XXYLT1: variants seen among roughly 807,000 people sequenced by gnomAD.
XXYLT1 encodes the protein UDP-xylose:alpha-xyloside alpha-1,3-xylosyltransferase.
Under a neutral mutation model 28.9 loss-of-function variants are expected in XXYLT1, and 20 were observed. The ratio of observed to expected loss-of-function variants is 0.69; its 90% CI spans 0.49 to 1.00. The LOEUF is 1.00. Ranked by LOEUF, XXYLT1 falls within the 50% of genes least tolerant of loss-of-function variation. The pLI is 0.00. For missense variants in XXYLT1, 542 were observed against 560.1 expected (o/e 0.97, Z 0.33); for synonymous variants, 257 against 253.8 (o/e 1.01, Z -0.12).
intron 2 of XXYLT1, among the ~76,000 whole-genome samples, chr3:195,200,019 T>C (rs954812939): frequency 3.3e-5 from 5 of 152,266 alleles, no homozygotes; most frequent in Non-Finnish European, 5.9e-5. Flanking sequence ...TCCAGCATGA[T>C]GGTGTACACT....
intron 3 of XXYLT1, among the ~76,000 whole-genome samples, chr3:195,142,193 G>T (rs535651483): frequency 4.7e-4 from 72 of 152,166 alleles, no homozygotes; most frequent in Non-Finnish European, 8.7e-4. Flanking sequence ...CCGAGGCCTG[G>T]GACAGCCCTG....
chr3:195,082,050 C>T (rs749877545), intron 3 of XXYLT1, among the ~76,000 whole-genome samples: 8 of 152,170 alleles, frequency 5.3e-5, no homozygotes, highest in Admixed American at 2.6e-4. Context: ...ATTCCAAGTG[C>T]GTGATTACAA....
rs919141264 is a variant in XXYLT1, at chr3:195,173,955, C to T, written c.653-17374G>A. Among the ~76,000 whole-genome samples, 6 of 152,202 alleles carry T rather than the reference C, an allele frequency of 3.9e-5. No homozygotes were observed. The highest frequency in any genetic ancestry group is 3.3e-4 in the Admixed American group (5 of 15,286). ...TGGTGAGAACAGCCGCTGGCTCCCT[C>T]GGGTTGCAGGAGCAGAGTGACATAC... On this transcript the variant is annotated intron_variant, in intron 2 of 3. Coordinates refer to ENST00000310380, the MANE Select transcript of XXYLT1 (RefSeq NM_152531.5). The surrounding 1 kb of genome is among the most constrained non-coding windows in gnomAD (Gnocchi z 4.3).
intron 2 of XXYLT1, 127 bp downstream of exon 2, chr3:195,226,582 C>G (rs1724061322): frequency 7.8e-7 from 1 of 1,276,440 alleles, no homozygotes; most frequent in Non-Finnish European, 1.1e-6. Context: ...GTCTGGCTCC[C>G]TCGTCCACTC....
In XXYLT1 at chr3:195,240,381, T is replaced by A. The variant is rs2108822475; in HGVS notation, c.505-13525A>T. On this transcript the variant is annotated intron_variant, in intron 1 of 3. Transcript: ENST00000310380. This position sits in a 1 kb window ranked among gnomAD's most constrained non-coding sequence, Gnocchi z 4.7. ...AGCCCTGTGCTCGCTGGCACTGAGA[T>A]GCCTGAGAGCCAGGCCACCGCTCCT... Among the ~76,000 whole-genome samples the A allele has an allele frequency of 6.6e-6, 1 of 152,352 alleles. No individual in the cohort carries two copies. Among genetic ancestry groups the A allele is most frequent in the Non-Finnish European group, 1.5e-5 (1 of 68,028 alleles).
chr3:195,214,658 G>A (rs1723480679), intron 2 of XXYLT1: 1 of 152,128 alleles, frequency 6.6e-6, no homozygotes, highest in South Asian at 2.1e-4. Flanking sequence ...GCAGAGAACA[G>A]GCTGCCCTGG....
chr3:195,110,476 T>TGTGTGTATGTG (rs1717572197), intron 3 of XXYLT1, among the ~76,000 whole-genome samples: 1 of 23,962 alleles, frequency 4.2e-5, no homozygotes, highest in Non-Finnish European at 1.0e-4. Context: ...GGGTGAGGTG[T>TGTGTGTATGTG]GTGTGTATGT....
At chr3:195,070,196 G>A in intron 3 of XXYLT1, 85 bp from the exon 4 acceptor site, 2 of 1,471,272 alleles carry the variant, frequency 1.4e-6, no homozygotes, top group South Asian at 2.7e-5. Context: ...CAGCCAGCCT[G>A]CATGCAAACA....
At chr3:195,231,342 T>G (rs1724290848) in intron 1 of XXYLT1, among the ~76,000 whole-genome samples, 1 of 152,160 alleles carries the variant, frequency 6.6e-6, no homozygotes, top group Admixed American at 6.5e-5. Flanking sequence ...ACAAGTGTAA[T>G]TTGACTTCTT....
In XXYLT1 at chr3:195,137,065, A is replaced by G. The variant is rs560316134; in HGVS notation, c.785+19384T>C. On this transcript the variant is annotated intron_variant, in intron 3 of 3. Coordinates refer to ENST00000310380, the MANE Select transcript of XXYLT1 (RefSeq NM_152531.5). ...GCTTAGGCTTAGCTGCAGGCAGCCA[A>G]TGGGATCCTTCAATCATACAGGTAC... Among the ~76,000 whole-genome samples the G allele has an allele frequency of 6.6e-5, 10 of 152,262 alleles. No individual in the cohort carries two copies. In the East Asian group the frequency reaches 1.2e-3, roughly 18 times the overall value.
chr3:195,158,383 A>G lies in XXYLT1; in HGVS notation c.653-1802T>C, dbSNP rs75535708. Among the ~76,000 whole-genome samples, 1,431 of 152,340 alleles carry G rather than the reference A, an allele frequency of 9.4e-3. 17 individuals carry two copies. Among genetic ancestry groups the G allele is most frequent in the African/African-American group, 0.033 (1,363 of 41,568 alleles). Reference sequence around the variant, plus strand: ...TGCTGGGAGGGCGGGGCTCAGGACCATCAGACGCTTCTGGATGAGCATCTT... The same window carrying G: ...TGCTGGGAGGGCGGGGCTCAGGACCGTCAGACGCTTCTGGATGAGCATCTT... On this transcript the variant is annotated intron_variant, in intron 2 of 3. Transcript: ENST00000310380.
chr3:195,226,564 AGGGCTTGGT>A, intron 2 of XXYLT1, 136 bp downstream of exon 2: 1 of 1,070,130 alleles, frequency 9.3e-7, no homozygotes, highest in Admixed American at 3.0e-5. Flanking sequence ...GGTGGTACAA[AGGGCTTGGT>A]CTGGCTCCCT....
intron 1 of XXYLT1, among the ~76,000 whole-genome samples, chr3:195,249,302 T>C (rs1423652521): frequency 3.3e-5 from 5 of 152,208 alleles, no homozygotes; most frequent in Non-Finnish European, 7.3e-5. Context: ...CACCAGGCGA[T>C]GTTCAGGATC....
chr3:195,070,255 C>T, intron 3 of XXYLT1, 144 bp from the exon 4 acceptor site: 1 of 1,142,512 alleles, frequency 8.8e-7, no homozygotes, highest in Non-Finnish European at 1.2e-6. Context: ...CAGCAAGTGG[C>T]AGAGCTGGGA....
intron 2 of XXYLT1, among the ~76,000 whole-genome samples, chr3:195,207,023 CA>C (rs1723103089): frequency 6.6e-6 from 1 of 152,046 alleles, no homozygotes; most frequent in South Asian, 2.1e-4. Context: ...GGAGGATGTT[CA>C]GTGCCTCGCC....
chr3:195,145,354 A>T lies in XXYLT1; in HGVS notation c.785+11095T>A, dbSNP rs7612579. Among the ~76,000 whole-genome samples the T allele has an allele frequency of 2.6e-5, 3 of 115,514 alleles. No homozygotes were observed. In the East Asian group the frequency reaches 6.6e-4, roughly 25 times the overall value. The allele number at this position is 115,514 out of a possible 152,430, so 75.8% of individuals were successfully genotyped here. A position where few individuals can be genotyped will look rare whatever the true frequency, so the allele number is the denominator to read the frequency against. On this transcript the variant is annotated intron_variant, in intron 3 of 3. Transcript: ENST00000310380. ...TCTGTGAAGCCACATGAACGGGCAC[A>T]TCACTCCACGGTGACTGGCACTGAT... is the stretch of plus-strand genomic sequence containing the variant.
chr3:195,251,907 A>G (rs1010476568), intron 1 of XXYLT1, among the ~76,000 whole-genome samples: 2 of 152,176 alleles, frequency 1.3e-5, no homozygotes, highest in African/African-American at 4.8e-5. Context: ...AGCCTCAAGC[A>G]CATTGTTCGC....
intron 3 of XXYLT1, among the ~76,000 whole-genome samples, chr3:195,073,477 C>G (rs1714941966): frequency 6.6e-6 from 1 of 152,174 alleles, no homozygotes; most frequent in Admixed American, 6.5e-5. Context: ...CTCTGACTAA[C>G]CCCTCCCCCC....
At chr3:195,159,714 G>C (rs1290502452) in intron 2 of XXYLT1, among the ~76,000 whole-genome samples, 5 of 152,198 alleles carry the variant, frequency 3.3e-5, no homozygotes, top group African/African-American at 1.2e-4. Flanking sequence ...TTTCAGGGCT[G>C]AGAACACCTA....
Sources: gnomAD v4.1 joint callset for allele counts (sites outside exome capture counted in the v4.1 genomes callset) on GRCh38, gnomAD v4.1.1 for gene constraint, Gnocchi (gnomAD v3.1) non-coding constraint, MANE v1.5 for transcripts, NCBI Gene and HGNC (gene_info 2026-07-23, HGNC 2026-07-21) for gene names.